Variants in BANP observed in about 807,000 individuals in gnomAD.
BANP encodes the protein BTG3 associated nuclear protein.
A neutral mutation model predicts 68.1 loss-of-function variants in BANP; 11 were observed. The ratio of observed to expected loss-of-function variants is 0.16; its 90% CI spans 0.10 to 0.27. The LOEUF is 0.27. BANP is among the 10% of genes least tolerant of loss of function. The pLI, the probability that BANP is intolerant of heterozygous loss-of-function variation, is 1.00. For synonymous variants in BANP, 329 were observed against 303.2 expected (o/e 1.09, Z -0.88); for missense variants, 504 against 722.7 (o/e 0.70, Z 3.47).
At chr16:87,962,070 C>G (rs909029010) in intron 1 of BANP, among the ~76,000 whole-genome samples, 11 of 151,628 alleles carry the variant, frequency 7.3e-5, no homozygotes, top group African/African-American at 2.2e-4. Context: ...GAAACGCTGT[C>G]TCTACTAAAA....
intron 4 of BANP, among the ~76,000 whole-genome samples, chr16:87,996,506 C>T (rs1161143308): frequency 3.9e-5 from 3 of 76,568 alleles, no homozygotes; most frequent in Non-Finnish European, 8.6e-5. Context: ...TCCTGGGCGC[C>T]GGCTGGGCTC....
chr16:87,988,659 A>G (rs2065086236), intron 4 of BANP, among the ~76,000 whole-genome samples: 1 of 152,222 alleles, frequency 6.6e-6, no homozygotes, highest in Non-Finnish European at 1.5e-5. Context: ...CGGGGTTCCC[A>G]GGGCTCACTC....
intron 11 of BANP, among the ~76,000 whole-genome samples, chr16:88,044,449 T>A (rs190022929): frequency 4.9e-4 from 74 of 152,370 alleles, no homozygotes; most frequent in Admixed American, 1.8e-3. Flanking sequence ...TGCGTGCTGA[T>A]TGCACTAATA....
At chr16:87,997,940 G>A (rs1449594980) in intron 4 of BANP, among the ~76,000 whole-genome samples, 1 of 152,164 alleles carries the variant, frequency 6.6e-6, no homozygotes, top group African/African-American at 2.4e-5. Flanking sequence ...ACTTCCTGGT[G>A]GAATTCAGAA....
intron 12 of BANP, among the ~76,000 whole-genome samples, chr16:88,069,937 G>A (rs1167467772): frequency 6.6e-6 from 1 of 152,016 alleles, no homozygotes; most frequent in Admixed American, 6.5e-5. Flanking sequence ...AGACAGCAAG[G>A]CCAGCCTCTC....
chr16:88,063,669 TG>T (rs934499123), intron 11 of BANP, among the ~76,000 whole-genome samples: 1 of 152,234 alleles, frequency 6.6e-6, no homozygotes, highest in African/African-American at 2.4e-5. Flanking sequence ...GCCGTGTTGC[TG>T]ATCTCCAAGA....
At chr16:88,059,768 T>C (rs1235485362) in intron 11 of BANP, among the ~76,000 whole-genome samples, 2 of 152,212 alleles carry the variant, frequency 1.3e-5, no homozygotes, top group African/African-American at 4.8e-5. Flanking sequence ...AGCTGCACTG[T>C]CGGACGCGAC....
intron 5 of BANP, among the ~76,000 whole-genome samples, chr16:88,005,287 A>G (rs533326870): frequency 6.6e-6 from 1 of 152,290 alleles, no homozygotes; most frequent in Non-Finnish European, 1.5e-5. Context: ...CAGCGTGGAC[A>G]GCGCTCTAGA....
intron 1 of BANP, among the ~76,000 whole-genome samples, chr16:87,968,909 A>T (rs1270948579): frequency 1.3e-5 from 2 of 152,230 alleles, no homozygotes; most frequent in Admixed American, 6.5e-5. Context: ...AATGCACAGG[A>T]TAAAAATGGA....
intron 4 of BANP, among the ~76,000 whole-genome samples, chr16:87,985,714 G>C (rs114391544): frequency 2.0e-5 from 3 of 152,176 alleles, no homozygotes; most frequent in Non-Finnish European, 4.4e-5. Context: ...GTCCCACCTG[G>C]TATGTTGCGT....
chr16:87,997,632 T>C (rs1461438517), intron 4 of BANP, among the ~76,000 whole-genome samples: 1 of 148,372 alleles, frequency 6.7e-6, no homozygotes, highest in African/African-American at 2.5e-5. Context: ...CATGTCTTCA[T>C]GGTAAAGTGG....
At chr16:88,037,731 G>A (rs1440470632) in intron 10 of BANP, 2 of 567,454 alleles carry the variant, frequency 3.5e-6, no homozygotes, top group Non-Finnish European at 6.3e-6. Flanking sequence ...TGGGGTCAGG[G>A]TAGGGGAATG....
chr16:87,957,964 C>T lies in BANP; in HGVS notation c.-69+6449C>T, dbSNP rs1467867222. On this transcript the variant is annotated intron_variant, in intron 1 of 13. Transcript: ENST00000682872. The surrounding 1 kb of genome is among the most constrained non-coding windows in gnomAD (Gnocchi z 4.3). ...GTCCCTGAGCAGAGTGCTGCCGCTG[C>T]CAGTCTGCGTTTTCTGCCGAAATGC... Among the ~76,000 whole-genome samples, 1 of 152,076 alleles carries T rather than the reference C, an allele frequency of 6.6e-6. No homozygotes were observed. Among genetic ancestry groups the T allele is most frequent in the Non-Finnish European group, 1.5e-5 (1 of 68,004 alleles).
chr16:87,972,378 TG>T (rs2061287023), intron 1 of BANP, among the ~76,000 whole-genome samples: 1 of 152,086 alleles, frequency 6.6e-6, no homozygotes, highest in African/African-American at 2.4e-5. Flanking sequence ...ATGTGTGTTA[TG>T]TGTTTAATGT....
intron 6 of BANP, among the ~76,000 whole-genome samples, chr16:88,009,744 T>C (rs565841321): frequency 5.9e-5 from 9 of 152,124 alleles, no homozygotes; most frequent in Admixed American, 2.0e-4. Flanking sequence ...CAGGGAACAG[T>C]AGATTATGTC....
intron 11 of BANP, among the ~76,000 whole-genome samples, chr16:88,052,226 T>G (rs1407320644): frequency 6.6e-6 from 1 of 152,324 alleles, no homozygotes; most frequent in East Asian, 1.9e-4. Context: ...ATATGGACAT[T>G]CCCTGGCATA....
chr16:88,037,741 G>T, intron 10 of BANP: 2 of 574,860 alleles, frequency 3.5e-6, no homozygotes, highest in Admixed American at 3.1e-5. Context: ...GTAGGGGAAT[G>T]AGTACAATGC....
chr16:88,031,648 CAAA>C (rs1230300944), intron 8 of BANP, among the ~76,000 whole-genome samples: 8 of 109,428 alleles, frequency 7.3e-5, no homozygotes, highest in South Asian at 3.0e-4. Context: ...GACTCTCTCT[CAAA>C]AAAAAAAAAA....
intron 6 of BANP, among the ~76,000 whole-genome samples, chr16:88,011,983 G>T (rs1025426773): frequency 2.6e-5 from 4 of 152,232 alleles, no homozygotes; most frequent in Admixed American, 2.0e-4. Context: ...GACAAATGTA[G>T]CCTTACCTTT....
Sources: allele counts gnomAD v4.1 joint callset (sites outside exome capture counted in the v4.1 genomes callset), GRCh38; gene constraint gnomAD v4.1.1; non-coding constraint Gnocchi (gnomAD v3.1); transcripts MANE v1.5; gene names NCBI Gene and HGNC (gene_info 2026-07-23, HGNC 2026-07-21).